DOCK3: variants seen among roughly 807,000 people sequenced by gnomAD.
The protein encoded by DOCK3 is dedicator of cytokinesis protein 3.
DOCK3 carries 60 observed loss-of-function variants against 265.6 expected under a neutral mutation model. The observed-to-expected ratio is 0.23, with a 90% CI of 0.18 to 0.28. DOCK3 has a LOEUF of 0.28. Among genes scored for constraint, DOCK3 ranks in the 10% least tolerant of loss-of-function variants. DOCK3 has a pLI of 1.00. For synonymous variants in DOCK3, 881 were observed against 938.0 expected (o/e 0.94, Z 1.11); for missense variants, 1,981 against 2,594.3 (o/e 0.76, Z 5.14).
intron 38 of DOCK3, among the ~76,000 whole-genome samples, chr3:51,347,216 T>A (rs186771898): frequency 2.1e-3 from 315 of 152,352 alleles, no homozygotes; most frequent in Middle Eastern, 6.8e-3. Flanking sequence ...TCCTTGCCCA[T>A]GCCTATGTCC....
At chr3:51,193,713 A>G (rs1008970165) in intron 12 of DOCK3, among the ~76,000 whole-genome samples, 5 of 150,770 alleles carry the variant, frequency 3.3e-5, no homozygotes, top group Admixed American at 2.0e-4. Context: ...GTAGTTGTTT[A>G]TAATAGTCTC....
intron 2 of DOCK3, among the ~76,000 whole-genome samples, chr3:50,780,521 A>C (rs991530794): frequency 6.6e-6 from 1 of 152,184 alleles, no homozygotes; most frequent in Non-Finnish European, 1.5e-5. Context: ...GAGAGAAAGC[A>C]AGAGTGAGGG....
intron 9 of DOCK3, among the ~76,000 whole-genome samples, chr3:51,146,029 G>T (rs2085284409): frequency 6.6e-6 from 1 of 152,214 alleles, no homozygotes; most frequent in Non-Finnish European, 1.5e-5. Flanking sequence ...TCCACCTGCT[G>T]CTCACCTGCT....
chr3:50,991,237 C>T (rs2078092284), intron 5 of DOCK3, among the ~76,000 whole-genome samples: 1 of 152,110 alleles, frequency 6.6e-6, no homozygotes, highest in South Asian at 2.1e-4. Flanking sequence ...GGATCAAATC[C>T]ACACATATCA....
intron 9 of DOCK3, among the ~76,000 whole-genome samples, chr3:51,109,047 A>G (rs1033198928): frequency 1.3e-5 from 2 of 151,210 alleles, no homozygotes; most frequent in African/African-American, 4.9e-5. Flanking sequence ...GACATCTACA[A>G]AACTCCACCC....
At chr3:51,129,770 A>G (rs1389363057) in intron 9 of DOCK3, among the ~76,000 whole-genome samples, 7 of 152,086 alleles carry the variant, frequency 4.6e-5, no homozygotes, top group Non-Finnish European at 8.8e-5. Flanking sequence ...GGGCCTGCCA[A>G]AGGCTCCAAA....
chr3:51,038,863 T>G (rs996917106), intron 5 of DOCK3, among the ~76,000 whole-genome samples: 2 of 152,072 alleles, frequency 1.3e-5, no homozygotes, highest in Admixed American at 6.6e-5. Context: ...AGTACAGGCA[T>G]GTATTCTAGT....
chr3:50,852,449 T>C (rs951934818), intron 3 of DOCK3, among the ~76,000 whole-genome samples: 1 of 152,256 alleles, frequency 6.6e-6, no homozygotes, highest in Non-Finnish European at 1.5e-5. Flanking sequence ...ACTTTTTGTT[T>C]ATTGTTGAGG....
intron 1 of DOCK3, among the ~76,000 whole-genome samples, chr3:50,699,699 A>G (rs2035908538): frequency 6.6e-6 from 1 of 152,084 alleles, no homozygotes; most frequent in Admixed American, 6.5e-5. Context: ...TTCTGCAGAG[A>G]GGGGACAAGG....
chr3:50,922,614 C>T (rs1335647785), intron 4 of DOCK3, among the ~76,000 whole-genome samples: 4 of 152,210 alleles, frequency 2.6e-5, no homozygotes, highest in Non-Finnish European at 5.9e-5. Context: ...CTGTCTTCTG[C>T]GTTGCTCACG....
At chr3:51,367,602 T>C (rs142424191) in intron 49 of DOCK3, among the ~76,000 whole-genome samples, 2 of 152,350 alleles carry the variant, frequency 1.3e-5, no homozygotes, top group Non-Finnish European at 2.9e-5. Flanking sequence ...TGTTTACAAT[T>C]TGGCATGTTT....
intron 5 of DOCK3, among the ~76,000 whole-genome samples, chr3:51,037,834 C>T (rs956703204): frequency 1.3e-5 from 2 of 152,038 alleles, no homozygotes; most frequent in East Asian, 1.9e-4. Context: ...TTACAGTAAA[C>T]GCAGCTGACT....
chr3:51,363,108 AT>A (rs1168829069), intron 49 of DOCK3, among the ~76,000 whole-genome samples: 1 of 152,214 alleles, frequency 6.6e-6, no homozygotes, highest in Admixed American at 6.5e-5. Context: ...CAACCAAAAA[AT>A]TTTTCTTCAG....
chr3:51,293,122 A>G (rs1343181238), intron 27 of DOCK3, among the ~76,000 whole-genome samples: 2 of 152,200 alleles, frequency 1.3e-5, no homozygotes, highest in Admixed American at 6.5e-5. Flanking sequence ...ATAGAAAAAA[A>G]CAATCCTAAA....
intron 9 of DOCK3, among the ~76,000 whole-genome samples, chr3:51,113,884 G>A (rs2083624336): frequency 6.6e-6 from 1 of 152,102 alleles, no homozygotes; most frequent in Non-Finnish European, 1.5e-5. Flanking sequence ...GGCTAAGGAG[G>A]GAGGATCACT....
intron 1 of DOCK3, among the ~76,000 whole-genome samples, chr3:50,736,574 C>G (rs2038636223): frequency 6.6e-6 from 1 of 152,006 alleles, no homozygotes; most frequent in Non-Finnish European, 1.5e-5. Flanking sequence ...TGTTTCCTGA[C>G]TTTTTAATGA....
At chr3:50,837,795 A>G (rs1171584284) in intron 2 of DOCK3, among the ~76,000 whole-genome samples, 2 of 152,172 alleles carry the variant, frequency 1.3e-5, no homozygotes, top group African/African-American at 4.8e-5. Context: ...GGGGAGGGGA[A>G]GAACAGTCCA....
At chr3:51,116,639 G>C (rs2083757193) in intron 9 of DOCK3, among the ~76,000 whole-genome samples, 1 of 151,926 alleles carries the variant, frequency 6.6e-6, no homozygotes, top group Admixed American at 6.6e-5. Flanking sequence ...TTATTCCCTT[G>C]AGCAGTGGTT....
chr3:51,030,920 G>A (rs2080021175), intron 5 of DOCK3, among the ~76,000 whole-genome samples: 1 of 152,104 alleles, frequency 6.6e-6, no homozygotes, highest in Non-Finnish European at 1.5e-5. Flanking sequence ...TGGGAAAATG[G>A]CATGCAAAAT....
Sources: allele counts gnomAD v4.1 joint callset (sites outside exome capture counted in the v4.1 genomes callset), GRCh38; gene constraint gnomAD v4.1.1; transcripts MANE v1.5; gene names NCBI Gene and HGNC (gene_info 2026-07-23, HGNC 2026-07-21).